The following AMPD1 variants were observed in gnomAD, a reference collection of about 807,000 sequenced individuals.
AMPD1 encodes the protein AMP deaminase 1.
Under a neutral mutation model 82.9 loss-of-function variants are expected in AMPD1, and 74 were observed. The observed-to-expected ratio is 0.89, with a 90% CI of 0.74 to 1.08. AMPD1 has a LOEUF of 1.08. Ranked by LOEUF, AMPD1 falls within the 50% of genes least tolerant of loss-of-function variation. AMPD1 has a pLI of 0.00. For synonymous variants in AMPD1, 333 were observed against 320.5 expected (o/e 1.04, Z -0.42); for missense variants, 881 against 924.5 (o/e 0.95, Z 0.61).
intron 8 of AMPD1, 78 bp from the exon 9 acceptor site, chr1:114,678,119 G>A: frequency 6.3e-7 from 1 of 1,587,880 alleles, no homozygotes; most frequent in Non-Finnish European, 8.6e-7. Flanking sequence ...TAGTCAAGCA[G>A]AACTGGGGTC....
At position 114,673,704 on chromosome 1, in the gene AMPD1, G is replaced by C. The variant is rs755909177; in HGVS notation, c.2020C>G (p.Leu674Val). Residue 674 changes from leucine (L) to valine (V), a missense_variant, in exon 15 of 16, where the codon CTG becomes GTG. Physicochemically the swap from Leu to Val is conservative, Grantham distance 32 (BLOSUM62 1). This residue lies in a region of AMPD1 where 98 missense variants were observed against 138.1 expected (regional missense o/e 0.71). Transcript: ENST00000520113. Reference protein sequence around the residue: ...EYAIAAQVFKLSTCDMCEVAR... With the variant: ...EYAIAAQVFKVSTCDMCEVAR... ...ACTTCGCACATATCACAGGTGCTCA[G>C]CTTGAAGACTTGTGCAGCAATAGCA... 1.9e-6 allele frequency: 3 copies of C among 1,614,126 alleles called. No individual in the cohort carries two copies. The highest frequency in any genetic ancestry group is 4.5e-5 in the East Asian group (2 of 44,884).
chr1:114,681,905 AT>A (rs2101718065), intron 5 of AMPD1, among the ~76,000 whole-genome samples: 1 of 152,316 alleles, frequency 6.6e-6, no homozygotes, highest in African/African-American at 2.4e-5. Flanking sequence ...TAAAAAAGAG[AT>A]ATAAAATAAA....
intron 10 of AMPD1, 105 bp downstream of exon 10, chr1:114,677,246 A>AT (rs1658013842): frequency 6.7e-7 from 1 of 1,499,358 alleles, no homozygotes; most frequent in Middle Eastern, 1.7e-4. Flanking sequence ...GTTTTAACAA[A>AT]GCTGATTTAT....
At chr1:114,684,741 C>A (rs1570848971) in intron 4 of AMPD1, among the ~76,000 whole-genome samples, 1 of 152,144 alleles carries the variant, frequency 6.6e-6, no homozygotes, top group Non-Finnish European at 1.5e-5. Flanking sequence ...AAGTACAAGA[C>A]AATACCTCAA....
intron 1 of AMPD1, among the ~76,000 whole-genome samples, chr1:114,694,064 T>C (rs1189528322): frequency 6.6e-6 from 1 of 151,850 alleles, no homozygotes; most frequent in Non-Finnish European, 1.5e-5. Context: ...ACTAAAAATA[T>C]AAAAATTAGC....
In AMPD1 at chr1:114,675,934, C is replaced by T. The variant is rs759738974; in HGVS notation, c.1458G>A (p.Val486=). 1.2e-6 allele frequency: 2 copies of T among 1,614,148 alleles called. No homozygotes were observed. The highest frequency in any genetic ancestry group is 4.5e-5 in the East Asian group (2 of 44,878). ...CCTGGGGGTTGATGGTGGCCTCAAA[C>T]ACTGGCATGAAAATATTCTCCAGCA... The part of the protein sequence containing the change: ...GKMLENIFMP[V]FEATINPQAD... Residue 486 remains valine, a synonymous_variant, in exon 11 of 16, where the codon GTG becomes GTA. Transcript: ENST00000520113.
intron 1 of AMPD1, among the ~76,000 whole-genome samples, chr1:114,694,034 A>G (rs913563967): frequency 1.6e-4 from 24 of 152,050 alleles, no homozygotes; most frequent in African/African-American, 5.6e-4. Context: ...TCACTGTGTT[A>G]TATGTGAAAC....
In AMPD1 at chr1:114,678,484, T is replaced by G; in HGVS notation, c.941A>C (p.His314Pro). 1.2e-6 allele frequency: 2 copies of G among 1,614,216 alleles called. No individual in the cohort carries two copies. The highest frequency in any genetic ancestry group is 1.7e-6 in the Non-Finnish European group (2 of 1,180,034). ...IHAAACMNQK[H>P]LLRFIKKSYQ... ...AGATTTCTTAATAAAACGCAGCAGA[T>G]GTTTCTGGTTCATGCAAGCGGCTGC... The change falls in exon 8 of 16, where the codon CAT becomes CCT. Residue 314 changes from histidine to proline, a missense_variant. His to Pro is a moderately conservative substitution (Grantham distance 77). Coordinates refer to ENST00000520113, the MANE Select transcript of AMPD1 (RefSeq NM_000036.3).
At chr1:114,686,656 C>T in intron 4 of AMPD1, 89 bp downstream of exon 4, 2 of 1,428,564 alleles carry the variant, frequency 1.4e-6, no homozygotes, top group South Asian at 1.2e-5. Context: ...ATACCTCCCT[C>T]AACAGGAAAG....
At chr1:114,690,826 A>G (rs1203903755) in intron 2 of AMPD1, among the ~76,000 whole-genome samples, 1 of 152,166 alleles carries the variant, frequency 6.6e-6, no homozygotes, top group Non-Finnish European at 1.5e-5. Context: ...TGCATGTACC[A>G]TGAAGGGCAA....
In AMPD1 at chr1:114,677,483, T is replaced by A. The variant is rs779226821; in HGVS notation, c.1256A>T (p.Tyr419Phe). 3.7e-6 allele frequency: 6 copies of A among 1,613,480 alleles called. No individual in the cohort carries two copies. The South Asian group carries it at 6.6e-5, about 18-fold the overall frequency. Residue 419 changes from tyrosine (Y) to phenylalanine (F), a missense_variant, in exon 10 of 16, where the codon TAC becomes TTC. Physicochemically the swap from Tyr to Phe is conservative, Grantham distance 22 (BLOSUM62 3). Transcript: ENST00000520113. The stretch of plus-strand genomic sequence containing the variant: ...GGACAGGCGGGGCTCAGCATGCTGG[T>A]ACTTGGCCTCCACCAGGTCCGCACC... ...EVGADLVEAK[Y>F]QHAEPRLSIY...
chr1:114,676,421 C>T (rs374399933), intron 10 of AMPD1, among the ~76,000 whole-genome samples: 1 of 152,200 alleles, frequency 6.6e-6, no homozygotes, highest in South Asian at 2.1e-4. Flanking sequence ...ATTCCAAGCA[C>T]TCTTCTAAGT....
intron 10 of AMPD1, 134 bp from the exon 11 acceptor site, chr1:114,676,137 T>A: frequency 9.1e-7 from 1 of 1,100,382 alleles, no homozygotes; most frequent in Non-Finnish European, 1.3e-6. Context: ...TCCATGCTCC[T>A]CATACATTCT....
intron 9 of AMPD1, 125 bp from the exon 10 acceptor site, chr1:114,677,639 C>A: frequency 1.5e-6 from 2 of 1,318,774 alleles, no homozygotes; most frequent in Non-Finnish European, 2.1e-6. Context: ...CTTAATCAAT[C>A]TCAAAACCAC....
intron 2 of AMPD1, 187 bp from the exon 3 acceptor site, chr1:114,688,928 A>C: frequency 1.3e-6 from 1 of 767,948 alleles, no homozygotes. Context: ...GGTACCTTGA[A>C]AATATGCTCT....
At position 114,684,462 on chromosome 1, in the gene AMPD1, A is replaced by G. The variant is rs933503948; in HGVS notation, c.382-98T>C. 101 of 1,279,144 alleles carry G rather than the reference A, an allele frequency of 7.9e-5. 1 individual carries two copies. Among genetic ancestry groups the G allele is most frequent in the Non-Finnish European group, 9.8e-5 (89 of 905,498 alleles). 79.2% of individuals were successfully genotyped at this position (1,279,144 alleles called of 1,614,324 possible). A position where few individuals can be genotyped will look rare whatever the true frequency, so the allele number is the denominator to read the frequency against. On this transcript the variant is annotated intron_variant, in intron 4 of 15. Coordinates refer to ENST00000520113, the MANE Select transcript of AMPD1 (RefSeq NM_000036.3). Reference sequence around the variant, plus strand: ...TTGGCACCTCCCAGCTCTCCTGTGTATCGCAGCCCATTCTGAGACTCACCA... The same window carrying G: ...TTGGCACCTCCCAGCTCTCCTGTGTGTCGCAGCCCATTCTGAGACTCACCA...
chr1:114,694,219 AAAAAC>A (rs1236883250), intron 1 of AMPD1, among the ~76,000 whole-genome samples: 3 of 150,202 alleles, frequency 2.0e-5, no homozygotes, highest in African/African-American at 7.6e-5. Flanking sequence ...CTGTCTCTAA[AAAAAC>A]AAAAACAAAA....
chr1:114,675,308 CA>C (rs199829383), intron 12 of AMPD1, among the ~76,000 whole-genome samples: 192 of 148,582 alleles, frequency 1.3e-3, no homozygotes, highest in African/African-American at 4.6e-3. Flanking sequence ...CTAAACTTCC[CA>C]AAAAAAAAGG....
Position 114,695,468 on chromosome 1 carries a change from G to A in AMPD1, c.4C>T (p.Pro2Ser), listed in dbSNP as rs933250155. 1.2e-6 allele frequency: 2 copies of A among 1,613,852 alleles called. No homozygotes were observed. Among genetic ancestry groups the A allele is most frequent in the Non-Finnish European group, 1.7e-6 (2 of 1,179,994 alleles). Residue 2 changes from proline (P) to serine (S), a missense_variant, in exon 1 of 16, where the codon CCT becomes TCT. By Grantham distance (74) the Pro-to-Ser change is moderately conservative. Coordinates refer to ENST00000520113, the MANE Select transcript of AMPD1 (RefSeq NM_000036.3). ...CACCTACCTGGGAGTTTGAACAGAG[G>A]CATTGTTGCTGAAATCCTTGATTCT... is the stretch of plus-strand genomic sequence containing the variant. M[P>S]LFKLPAEEKQ... is the part of the protein sequence containing the mutation.
Sources: allele counts gnomAD v4.1 joint callset (sites outside exome capture counted in the v4.1 genomes callset), GRCh38; gene constraint gnomAD v4.1.1; regional missense constraint gnomAD v4.1.1; transcripts MANE v1.5; gene names NCBI Gene and HGNC (gene_info 2026-07-23, HGNC 2026-07-21).